Variants in ZNG1A observed in about 807,000 individuals in gnomAD.
ZNG1A encodes the protein Zn regulated GTPase metalloprotein activator 1A.
the ZNG1A span, among the ~76,000 whole-genome samples, chr9:139,682 C>A: frequency 6.6e-6 from 1 of 151,888 alleles, no homozygotes; most frequent in Non-Finnish European, 1.5e-5. Context: ...ATAGGAACAG[C>A]TCCGGTCTAC....
chr9:170,640 C>T, the ZNG1A span, among the ~76,000 whole-genome samples: 8 of 147,008 alleles, frequency 5.4e-5, no homozygotes, highest in Non-Finnish European at 1.0e-4. Context: ...CCTGCCTCAG[C>T]CTCCCAAAGT....
the ZNG1A span, chr9:154,574 A>G: frequency 1.5e-6 from 1 of 658,380 alleles, no homozygotes; most frequent in Middle Eastern, 4.1e-4. Flanking sequence ...CATCAACAAT[A>G]TATGTGATTC....
At chr9:140,558 TG>T in the ZNG1A span, among the ~76,000 whole-genome samples, 1 of 151,250 alleles carries the variant, frequency 6.6e-6, no homozygotes, top group East Asian at 1.9e-4. Context: ...ACCACAAAGA[TG>T]GGGAAAAAAC....
chr9:171,352 G>A, the ZNG1A span, among the ~76,000 whole-genome samples: 105 of 152,008 alleles, frequency 6.9e-4, 1 homozygote, highest in Middle Eastern at 3.4e-3. Flanking sequence ...AAAAAATAAT[G>A]GTATGGGTCA....
chr9:150,607 C>T, the ZNG1A span: 31 of 984,022 alleles, frequency 3.2e-5, no homozygotes, highest in Non-Finnish European at 3.7e-5. Context: ...TTCAGAAAGT[C>T]CCTAGATTCT....
the ZNG1A span, among the ~76,000 whole-genome samples, chr9:128,523 TA>T: frequency 6.7e-6 from 1 of 148,688 alleles, no homozygotes; most frequent in Non-Finnish European, 1.5e-5. Flanking sequence ...CATTATTTCC[TA>T]AAGTTTTGAT....
chr9:154,641 C>G, the ZNG1A span: 3 of 1,150,088 alleles, frequency 2.6e-6, no homozygotes, highest in Non-Finnish European at 3.8e-6. Flanking sequence ...GGGCAACAAT[C>G]AGAGTAAAAA....
At chr9:157,011 T>C in the ZNG1A span, among the ~76,000 whole-genome samples, 2 of 137,562 alleles carry the variant, frequency 1.5e-5, no homozygotes, top group Admixed American at 7.4e-5. Context: ...AATACTTCCC[T>C]ACACCCCAGC....
the ZNG1A span, chr9:121,439 A>G: frequency 5.0e-5 from 79 of 1,593,480 alleles, no homozygotes; most frequent in Non-Finnish European, 5.4e-5. Flanking sequence ...TTATTATCCA[A>G]TCCTTTTGAT....
chr9:178,620 C>A, the ZNG1A span, among the ~76,000 whole-genome samples: 1 of 109,292 alleles, frequency 9.1e-6, no homozygotes, highest in African/African-American at 2.8e-5. Context: ...GGGAATCTAA[C>A]GCAGAGGGGG....
chr9:141,876 G>A, the ZNG1A span, among the ~76,000 whole-genome samples: 1 of 152,088 alleles, frequency 6.6e-6, no homozygotes, highest in South Asian at 2.1e-4. Context: ...AACAAAACAA[G>A]GCAGGGGTTG....
chr9:147,197 A>G, the ZNG1A span: 2 of 142,682 alleles, frequency 1.4e-5, no homozygotes, highest in African/African-American at 2.7e-5. Context: ...AAAAAAAAAA[A>G]GAACAGCAGA....
At chr9:140,236 G>C in the ZNG1A span, among the ~76,000 whole-genome samples, 1 of 151,932 alleles carries the variant, frequency 6.6e-6, no homozygotes, top group African/African-American at 2.4e-5. Context: ...AAAGACAGCA[G>C]TAACCTCTGC....
the ZNG1A span, among the ~76,000 whole-genome samples, chr9:158,847 A>T: frequency 2.0e-5 from 3 of 152,158 alleles, no homozygotes; most frequent in Admixed American, 6.5e-5. Context: ...ACATTTAAAA[A>T]ATAAGTGCAT....
the ZNG1A span, chr9:167,443 G>C: frequency 6.7e-6 from 1 of 150,180 alleles, no homozygotes; most frequent in African/African-American, 2.5e-5. Flanking sequence ...ACCTAGCCAA[G>C]TAATCCTTCA....
chr9:174,236 CTTG>C, the ZNG1A span, among the ~76,000 whole-genome samples: 1 of 151,274 alleles, frequency 6.6e-6, no homozygotes, highest in Admixed American at 6.6e-5. Context: ...ATTTGAAATG[CTTG>C]TTATCTATAA....
At chr9:140,061 T>C in the ZNG1A span, among the ~76,000 whole-genome samples, 59 of 150,516 alleles carry the variant, frequency 3.9e-4, 2 homozygotes, top group Non-Finnish European at 7.7e-4. Context: ...GAGATCAAAC[T>C]GCAAGGCGGC....
the ZNG1A span, chr9:121,864 G>T: frequency 6.0e-5 from 92 of 1,535,720 alleles, no homozygotes; most frequent in Non-Finnish European, 7.9e-5. Context: ...AGTTTTAAAA[G>T]AGGACCTGAA....
the ZNG1A span, among the ~76,000 whole-genome samples, chr9:141,805 T>G: frequency 1.7e-4 from 26 of 152,288 alleles, no homozygotes; most frequent in African/African-American, 5.8e-4. Context: ...CCATCTCACG[T>G]GCAGAGACAC....
Sources: allele counts gnomAD v4.1 joint callset (sites outside exome capture counted in the v4.1 genomes callset), GRCh38; gene constraint gnomAD v4.1.1; transcripts MANE v1.5; gene names NCBI Gene and HGNC (gene_info 2026-07-23, HGNC 2026-07-21).